PACSIN2: variants seen among roughly 807,000 people sequenced by gnomAD.
PACSIN2 encodes the protein protein kinase C and casein kinase substrate in neurons protein 2.
A neutral mutation model predicts 63.8 loss-of-function variants in PACSIN2; 25 were observed. The ratio of observed to expected loss-of-function variants is 0.39; its 90% CI spans 0.29 to 0.55. The LOEUF (loss-of-function observed/expected upper bound fraction) is 0.55. PACSIN2 is among the 20% of genes least tolerant of loss of function. The pLI is 0.62. For synonymous variants in PACSIN2, 255 were observed against 256.2 expected (o/e 1.00, Z 0.05); for missense variants, 518 against 646.9 (o/e 0.80, Z 2.16).
rs188758332 is a variant in PACSIN2 at position 42,889,920 on chromosome 22, A to G, written c.453+1027T>C. On this transcript the variant is annotated intron_variant, in intron 4 of 10. Coordinates refer to ENST00000263246, the MANE Select transcript of PACSIN2 (RefSeq NM_001184970.3). ...TTCTTTCTATCGTCAAAGGGACTTG[A>G]AAAAAAAATAAAGTGAAAGCAAGTT... Among the ~76,000 whole-genome samples, 414 of 151,680 alleles carry G rather than the reference A, an allele frequency of 2.7e-3. 2 individuals are homozygous for G. Among genetic ancestry groups the G allele is most frequent in the Non-Finnish European group, 3.8e-3 (261 of 67,868 alleles).
intron 1 of PACSIN2, among the ~76,000 whole-genome samples, chr22:42,940,828 G>T (rs1316353734): frequency 1.3e-5 from 2 of 152,226 alleles, no homozygotes; most frequent in African/African-American, 4.8e-5. Context: ...GGATTATTTA[G>T]CCAGGAGAGG....
chr22:42,961,090 C>T (rs930233752), intron 1 of PACSIN2, among the ~76,000 whole-genome samples: 2 of 152,152 alleles, frequency 1.3e-5, no homozygotes, highest in African/African-American at 4.8e-5. Context: ...TTCAACATGG[C>T]CCAAGCGGGT....
At chr22:42,900,648 A>AT (rs534032792) in intron 2 of PACSIN2, among the ~76,000 whole-genome samples, 6 of 151,930 alleles carry the variant, frequency 3.9e-5, no homozygotes, top group Non-Finnish European at 7.4e-5. Flanking sequence ...AATTTTTTAT[A>AT]TTTTTTGTAG....
At chr22:42,917,687 T>C (rs1931902933) in intron 1 of PACSIN2, among the ~76,000 whole-genome samples, 1 of 152,182 alleles carries the variant, frequency 6.6e-6, no homozygotes, top group South Asian at 2.1e-4. Context: ...ACTACTGCTA[T>C]AGTCCTATTT....
At chr22:42,978,192 G>C (rs1178237313) in intron 1 of PACSIN2, among the ~76,000 whole-genome samples, 1 of 152,170 alleles carries the variant, frequency 6.6e-6, no homozygotes, top group Non-Finnish European at 1.5e-5. Context: ...GTAAGCTCAA[G>C]AGAAGTGAAA....
At chr22:42,996,744 CA>C in intron 1 of PACSIN2, among the ~76,000 whole-genome samples, 1 of 152,178 alleles carries the variant, frequency 6.6e-6, no homozygotes, top group South Asian at 2.1e-4. Flanking sequence ...AAAATGGACA[CA>C]CTGAATTTTT....
At chr22:43,014,372 C>CG (rs1924730847) in intron 1 of PACSIN2, among the ~76,000 whole-genome samples, 1 of 18,008 alleles carries the variant, frequency 5.6e-5, no homozygotes, top group Non-Finnish European at 1.0e-4. Context: ...ACACCACCCC[C>CG]CCCCCCCCGG....
At chr22:43,005,142 G>A (rs989390610) in intron 1 of PACSIN2, among the ~76,000 whole-genome samples, 10 of 152,216 alleles carry the variant, frequency 6.6e-5, no homozygotes, top group African/African-American at 9.6e-5. Flanking sequence ...TCACTGCTGC[G>A]TGTTATCTTA....
chr22:42,953,879 A>G (rs1933804889), intron 1 of PACSIN2, among the ~76,000 whole-genome samples: 1 of 152,228 alleles, frequency 6.6e-6, no homozygotes, highest in African/African-American at 2.4e-5. Context: ...AAAAGAGACG[A>G]AATTCACCTA....
At chr22:42,883,605 G>A (rs4822218) in intron 6 of PACSIN2, among the ~76,000 whole-genome samples, 37,471 of 152,106 alleles carry the variant, frequency 0.25, 5,706 homozygotes, top group Non-Finnish European at 0.33. Flanking sequence ...CTGTCCTGGG[G>A]GCTGAGAGCC....
At chr22:42,900,437 T>C (rs1019442812) in intron 2 of PACSIN2, among the ~76,000 whole-genome samples, 2 of 152,214 alleles carry the variant, frequency 1.3e-5, no homozygotes, top group African/African-American at 4.8e-5. Flanking sequence ...GTGAGAATGC[T>C]AGCCAGGGGA....
chr22:43,014,746 G>C, intron 1 of PACSIN2, among the ~76,000 whole-genome samples: 1 of 145,726 alleles, frequency 6.9e-6, no homozygotes. Context: ...CTCCCACAGC[G>C]CCGCCCCCAT....
chr22:42,898,391 C>G (rs1305477317), intron 2 of PACSIN2, among the ~76,000 whole-genome samples: 1 of 152,052 alleles, frequency 6.6e-6, no homozygotes, highest in Non-Finnish European at 1.5e-5. Context: ...CTTGCCTCAG[C>G]CTCACGAGTA....
intron 1 of PACSIN2, among the ~76,000 whole-genome samples, chr22:42,988,391 G>A (rs1490829055): frequency 6.6e-6 from 1 of 152,194 alleles, no homozygotes; most frequent in Non-Finnish European, 1.5e-5. Context: ...AATAGAGCTT[G>A]AACTCATCTT....
chr22:43,010,699 C>T (rs1041982339), intron 1 of PACSIN2, among the ~76,000 whole-genome samples: 2 of 151,844 alleles, frequency 1.3e-5, no homozygotes, highest in Admixed American at 1.3e-4. Context: ...GGCAACAAAG[C>T]GAGACTCCGT....
intron 1 of PACSIN2, among the ~76,000 whole-genome samples, chr22:42,976,383 C>A (rs1290206532): frequency 5.3e-5 from 8 of 152,212 alleles, no homozygotes; most frequent in Non-Finnish European, 1.2e-4. Context: ...TTGCTCCAGA[C>A]AGAGCAGAGG....
At chr22:42,879,548 A>C (rs2146640131) in intron 7 of PACSIN2, among the ~76,000 whole-genome samples, 1 of 152,288 alleles carries the variant, frequency 6.6e-6, no homozygotes, top group East Asian at 1.9e-4. Context: ...CAGCCCCCTC[A>C]GGCCAGCATG....
chr22:42,877,122 G>C, intron 8 of PACSIN2, 112 bp from the exon 9 acceptor site: 1 of 1,170,228 alleles, frequency 8.5e-7, no homozygotes. Context: ...CCTGTGACCG[G>C]AGGGGACCGT....
At chr22:42,999,920 T>C (rs758219904) in intron 1 of PACSIN2, among the ~76,000 whole-genome samples, 9 of 152,246 alleles carry the variant, frequency 5.9e-5, no homozygotes, top group Non-Finnish European at 7.3e-5. Flanking sequence ...GAGGCACCGA[T>C]GGCTGTGCTA....
Sources: allele counts gnomAD v4.1 joint callset (sites outside exome capture counted in the v4.1 genomes callset), GRCh38; gene constraint gnomAD v4.1.1; transcripts MANE v1.5; gene names NCBI Gene and HGNC (gene_info 2026-07-23, HGNC 2026-07-21).